The following CARD9 variants were observed in gnomAD, a reference collection of about 807,000 sequenced individuals.
CARD9 encodes caspase recruitment domain-containing protein 9.
Under a neutral mutation model 66.0 loss-of-function variants are expected in CARD9, and 53 were observed. The observed-to-expected ratio is 0.80, with a 90% CI of 0.64 to 1.01. The LOEUF (loss-of-function observed/expected upper bound fraction) is 1.01. Among genes scored for constraint, CARD9 ranks in the 50% least tolerant of loss-of-function variants. The pLI is 0.00. For synonymous variants in CARD9, 387 were observed against 313.8 expected, an observed-to-expected ratio of 1.23 and a Z score of -2.47; for missense variants, 769 against 743.2, an observed-to-expected ratio of 1.03 and a Z score of -0.40.
Position 136,364,312 on chromosome 9 carries a change from TCA to T in CARD9, c.1599_1600del (p.Glu534GlyfsTer38). On this transcript the variant is annotated frameshift_variant, in exon 13 of 13. Coordinates refer to ENST00000371732, the MANE Select transcript of CARD9 (RefSeq NM_052813.5). LOFTEE classifies it high-confidence loss of function. The stretch of plus-strand genomic sequence containing the variant: ...CCTGCGCTGCTGCGGCTAGGAGCCC[TCA>T]GTGTCGGTGTTGTCGCTGCCCGTGG... 6.4e-7 allele frequency: 1 copy of T among 1,558,804 alleles called. No individual in the cohort carries two copies. Among genetic ancestry groups the T allele is most frequent in the Non-Finnish European group, 8.7e-7 (1 of 1,151,848 alleles).
chr9:136,366,951 C>T (rs1188533923), intron 9 of CARD9, 106 bp from the exon 10 acceptor site: 17 of 1,330,952 alleles, frequency 1.3e-5, no homozygotes, highest in South Asian at 3.5e-5. Context: ...CAGCCATTGC[C>T]GTCACCCCCT....
Position 136,370,989 on chromosome 9 carries a change from C to T in CARD9, c.479G>A (p.Arg160His), listed in dbSNP as rs747925378. 44 of 1,611,062 alleles carry T rather than the reference C, an allele frequency of 2.7e-5. 1 individual carries two copies. The highest frequency in any genetic ancestry group is 1.8e-4 in the Admixed American group (11 of 59,808). Residue 160 changes from arginine to histidine, a missense_variant, in exon 4 of 13, where the codon CGT becomes CAT. Arg to His is a conservative substitution (Grantham distance 29, BLOSUM62 0). Coordinates refer to ENST00000371732, the MANE Select transcript of CARD9 (RefSeq NM_052813.5). ...GCACTCCTCCTTGAGCCTCTGCACA[C>T]GCTCCTGGTGCTTGCGCAGCAGGCT... is the stretch of plus-strand genomic sequence containing the variant. ...KDSLLRKHQE[R>H]VQRLKEECEA...
chr9:136,369,904 A>G, intron 6 of CARD9, 29 bp from the exon 7 acceptor site: 1 of 1,608,774 alleles, frequency 6.2e-7, no homozygotes, highest in Non-Finnish European at 8.5e-7. Flanking sequence ...CAGCCCCCAC[A>G]GGCCTGAGGC....
At chr9:136,370,101 A>G (rs1833221804) in intron 6 of CARD9, 193 bp downstream of exon 6, 1 of 1,395,544 alleles carries the variant, frequency 7.2e-7, no homozygotes, top group Non-Finnish European at 9.5e-7. Flanking sequence ...CCATGAGCCC[A>G]GAGGTTGGCC....
rs371061371 is a variant in CARD9 at position 136,372,066 on chromosome 9, C to T, written c.13G>A (p.Glu5Lys). 2.5e-5 allele frequency: 41 copies of T among 1,612,570 alleles called. No individual in the cohort carries two copies. The highest frequency in any genetic ancestry group is 3.3e-5 in the Non-Finnish European group (39 of 1,179,984). The change falls in exon 2 of 13, where the codon GAG (glutamate) becomes AAG (lysine). Residue 5 changes from glutamate (E) to lysine (K), a missense_variant. Coordinates refer to ENST00000371732, the MANE Select transcript of CARD9 (RefSeq NM_052813.5). ...ACGCTCCAGCACTCGTCATCGTTCT[C>T]GTAGTCCGACATGGCCTCAGCAGGC... MSDY[E>K]NDDECWSVLE... is the part of the protein sequence containing the mutation.
intron 2 of CARD9, 58 bp from the exon 3 acceptor site, chr9:136,371,519 T>TGGGGGGGGGG: frequency 1.1e-5 from 4 of 365,164 alleles, no homozygotes; most frequent in Non-Finnish European, 1.8e-5. Context: ...AGGGCTGGGG[T>TGGGGGGGGGG]GGGTGGGCCT....
In CARD9 at chr9:136,370,413, G is replaced by A. The variant is rs1175148607; in HGVS notation, c.832C>T (p.Pro278Ser). 3.1e-6 allele frequency: 5 copies of A among 1,611,002 alleles called. No homozygotes were observed. The East Asian group carries it at 6.7e-5, about 22-fold the overall frequency. ...TCCTCCTCCAGTACCTGGATGTAGG[G>A]GCTGCTCCTGTCCAGCTTCCCCTCC... is the stretch of plus-strand genomic sequence containing the variant. ...VQEGKLDRSS[P>S]YIQVLEEDWR... The change falls in exon 6 of 13, where the codon CCC (proline) becomes TCC (serine). Residue 278 changes from proline to serine, a missense_variant. Coordinates refer to ENST00000371732, the MANE Select transcript of CARD9 (RefSeq NM_052813.5).
chr9:136,366,743 TG>T, intron 10 of CARD9, 56 bp downstream of exon 10: 1 of 1,580,310 alleles, frequency 6.3e-7, no homozygotes, highest in Non-Finnish European at 8.7e-7. Flanking sequence ...GTGCTGAAGA[TG>T]GGCCTCACTT....
Position 136,366,837 on chromosome 9 carries a change from G to T in CARD9, c.1320C>A (p.Leu440=). The change falls in exon 10 of 13, where the codon CTC becomes CTA. Residue 440 remains leucine (L), a synonymous_variant. Transcript: ENST00000371732. ...GCTGGGTGTCCTCCAGGTCCTGGGGGAGTGAGAGCTTCCAAAGAGAGTCAA... is the reference window on the plus strand; with the variant it reads ...GCTGGGTGTCCTCCAGGTCCTGGGGTAGTGAGAGCTTCCAAAGAGAGTCAA... The part of the protein sequence containing the change: ...GSPRRSQELS[L]PQDLEDTQLS... 1 of 1,613,076 alleles carries T rather than the reference G, an allele frequency of 6.2e-7. No individual in the cohort carries two copies. Among genetic ancestry groups the T allele is most frequent in the East Asian group, 2.2e-5 (1 of 44,882 alleles).
Position 136,370,583 on chromosome 9 carries a change from T to C in CARD9, c.746A>G (p.Glu249Gly), listed in dbSNP as rs201544368. ...EQRPSQELLW[E>G]LQQEKALLQA... Reference sequence around the variant, plus strand: ...GAGCAGGGCCTTCTCCTGCTGCAGCTCCCACAGCAGCTCCTGGCTGGGCCG... The same window carrying C: ...GAGCAGGGCCTTCTCCTGCTGCAGCCCCCACAGCAGCTCCTGGCTGGGCCG... Residue 249 changes from glutamate (E) to glycine (G), a missense_variant, in exon 5 of 13, where the codon GAG (glutamate) becomes GGG (glycine). By Grantham distance (98) the Glu-to-Gly change is moderately conservative (BLOSUM62 -2). Coordinates refer to ENST00000371732, the MANE Select transcript of CARD9 (RefSeq NM_052813.5). The C allele has an allele frequency of 9.3e-6, 15 of 1,612,162 alleles. No individual in the cohort carries two copies. The highest frequency in any genetic ancestry group is 1.3e-5 in the Non-Finnish European group (15 of 1,179,724).
chr9:136,370,128 G>A, intron 6 of CARD9, 166 bp downstream of exon 6: 1 of 1,430,798 alleles, frequency 7.0e-7, no homozygotes, highest in East Asian at 2.5e-5. Flanking sequence ...ATGGGGGGCA[G>A]GCGGGCAAGG....
Position 136,373,570 on chromosome 9 carries a change from C to T in CARD9, c.-55G>A, listed in dbSNP as rs1293969952. On this transcript the variant is annotated 5_prime_UTR_variant, in exon 1 of 13. It adds an upstream start codon to the 5' untranslated region. Transcript: ENST00000371732. The stretch of plus-strand genomic sequence containing the variant: ...AGGAGCCACCTGCACTGCAGACACA[C>T]CAGGAGCCTGGGCCGCGGAGCCTCT... 4.1e-6 allele frequency: 4 copies of T among 984,714 alleles called. No individual in the cohort carries two copies. Among genetic ancestry groups the T allele is most frequent in the Non-Finnish European group, 2.4e-6 (2 of 830,150 alleles). 61.0% of individuals were successfully genotyped at this position (984,714 alleles called of 1,614,324 possible). A position where few individuals can be genotyped will look rare whatever the true frequency, so the allele number is the denominator to read the frequency against.
Position 136,371,993 on chromosome 9 carries a change from C to A in CARD9, c.86G>T (p.Arg29Leu), listed in dbSNP as rs201587695. Residue 29 changes from arginine to leucine, a missense_variant, in exon 2 of 13, where the codon CGC becomes CTC. By Grantham distance (102) the Arg-to-Leu change is moderately radical (BLOSUM62 -2). Transcript: ENST00000371732. Reference protein sequence around the residue: ...VTLTSVIDPSRITPYLRQCKV... With the variant: ...VTLTSVIDPSLITPYLRQCKV... ...GCACTGCCGCAGGTAAGGTGTGATG[C>A]GTGAGGGGTCGATGACCGAGGTGAG... 1 of 1,612,764 alleles carries A rather than the reference C, an allele frequency of 6.2e-7. No individual in the cohort carries two copies. Among genetic ancestry groups the A allele is most frequent in the Non-Finnish European group, 8.5e-7 (1 of 1,179,898 alleles).
chr9:136,364,505 C>G lies in CARD9; in HGVS notation c.1489G>C (p.Glu497Gln), dbSNP rs778435234. Reference sequence around the variant, plus strand: ...TACCTGCGGTAGTTCTCAAAACTCTCTTTGAGGCGCCGCCGCTCCTTCTCG... The same window carrying G: ...TACCTGCGGTAGTTCTCAAAACTCTGTTTGAGGCGCCGCCGCTCCTTCTCG... ...PPEKERRRLK[E>Q]SFENYRRKRA... The change falls in exon 12 of 13, where the codon GAG (glutamate) becomes CAG (glutamine). Residue 497 changes from glutamate to glutamine, a missense_variant. Coordinates refer to ENST00000371732, the MANE Select transcript of CARD9 (RefSeq NM_052813.5). The G allele has an allele frequency of 2.6e-6, 4 of 1,539,456 alleles. No individual in the cohort carries two copies. The highest frequency in any genetic ancestry group is 1.2e-5 in the South Asian group (1 of 84,024).
At chr9:136,368,814 G>A (rs889394180) in intron 7 of CARD9, among the ~76,000 whole-genome samples, 8 of 151,794 alleles carry the variant, frequency 5.3e-5, no homozygotes, top group African/African-American at 1.7e-4. Flanking sequence ...GCGCCACCAC[G>A]ACCAGTTAAT....
Position 136,364,207 on chromosome 9 carries a change from G to T in CARD9, c.*95C>A, listed in dbSNP as rs188674688. 171 of 1,550,532 alleles carry T rather than the reference G, an allele frequency of 1.1e-4. No individual in the cohort carries two copies. The African/African-American group carries it at 2.1e-3, about 19-fold the overall frequency. On this transcript the variant is annotated 3_prime_UTR_variant, in exon 13 of 13. Transcript: ENST00000371732. ...CTCGTTCCAGGCCAAGTCAGCGACGGCTCGGGGAAGTCTGCGCCCCAGGGC... is the reference window on the plus strand; with the variant it reads ...CTCGTTCCAGGCCAAGTCAGCGACGTCTCGGGGAAGTCTGCGCCCCAGGGC...
intron 1 of CARD9, 107 bp from the exon 2 acceptor site, chr9:136,372,201 G>A (rs896963318): frequency 1.4e-5 from 20 of 1,466,224 alleles, no homozygotes; most frequent in Admixed American, 1.4e-4. Flanking sequence ...TCAGGGCATC[G>A]AGGGGGATCA....
intron 1 of CARD9, among the ~76,000 whole-genome samples, chr9:136,373,117 G>C (rs906406684): frequency 6.6e-6 from 1 of 152,230 alleles, no homozygotes; most frequent in Admixed American, 6.5e-5. Flanking sequence ...GCTGGGAAAC[G>C]CTGGTTTCCA....
Position 136,371,071 on chromosome 9 carries a change from G to T in CARD9, c.397C>A (p.Leu133Met). The change falls in exon 4 of 13, where the codon CTG becomes ATG. Residue 133 changes from leucine (L) to methionine (M), a missense_variant. Coordinates refer to ENST00000371732, the MANE Select transcript of CARD9 (RefSeq NM_052813.5). Reference protein sequence around the residue: ...VMKLQKKVQDLTALLSSKDDF... With the variant: ...VMKLQKKVQDMTALLSSKDDF... ...TCTTTGGAGCTCAGCAGCGCGGTCA[G>T]GTCCTGCACCTTCTTCTGCAGCTTC... 1 of 1,612,746 alleles carries T rather than the reference G, an allele frequency of 6.2e-7. No individual in the cohort carries two copies. Among genetic ancestry groups the T allele is most frequent in the Non-Finnish European group, 8.5e-7 (1 of 1,179,944 alleles).
Sources: gnomAD v4.1 joint callset for allele counts (sites outside exome capture counted in the v4.1 genomes callset) on GRCh38, gnomAD v4.1.1 for gene constraint, MANE v1.5 for transcripts, NCBI Gene and HGNC (gene_info 2026-07-23, HGNC 2026-07-21) for gene names.